The following DLG2 variants were observed in gnomAD, a reference collection of about 807,000 sequenced individuals.
The protein encoded by DLG2 is discs large MAGUK scaffold protein 2, also known as disks large homolog 2.
In DLG2, 45 loss-of-function variants were observed where a neutral mutation model predicts 132.5. The ratio of observed to expected loss-of-function variants is 0.34; its 90% CI spans 0.27 to 0.44. The LOEUF is 0.44. Among genes scored for constraint, DLG2 ranks in the 20% least tolerant of loss-of-function variants. The pLI, the probability that DLG2 is intolerant of heterozygous loss-of-function variation, is 1.00. For synonymous variants in DLG2, 424 were observed against 419.6 expected (o/e 1.01, Z -0.13); for missense variants, 1,045 against 1,196.9 (o/e 0.87, Z 1.87).
intron 6 of DLG2, among the ~76,000 whole-genome samples, chr11:84,795,367 C>A (rs1183948797): frequency 1.3e-5 from 2 of 151,766 alleles, no homozygotes; most frequent in South Asian, 2.1e-4. Context: ...ACTGTGGGTC[C>A]AATCTCTGCT....
At chr11:83,781,055 G>A (rs1170673941) in intron 18 of DLG2, among the ~76,000 whole-genome samples, 1 of 152,100 alleles carries the variant, frequency 6.6e-6, no homozygotes, top group African/African-American at 2.4e-5. Flanking sequence ...TTCTAAGAAG[G>A]CTCTCATTTA....
chr11:84,067,756 C>G (rs572113467), intron 10 of DLG2, among the ~76,000 whole-genome samples: 1 of 152,130 alleles, frequency 6.6e-6, no homozygotes, highest in Admixed American at 6.5e-5. Flanking sequence ...ACTTCTCACC[C>G]TAATGATCTG....
intron 18 of DLG2, among the ~76,000 whole-genome samples, chr11:83,781,548 G>T (rs1160718039): frequency 1.3e-5 from 2 of 152,146 alleles, no homozygotes; most frequent in East Asian, 3.9e-4. Context: ...AAGGGTGGAT[G>T]AAATCAGGTC....
chr11:83,545,934 G>A (rs2096229921), intron 19 of DLG2, among the ~76,000 whole-genome samples: 1 of 152,234 alleles, frequency 6.6e-6, no homozygotes, highest in South Asian at 2.1e-4. Flanking sequence ...CAAGCGATAA[G>A]CTGTTTTTAA....
intron 21 of DLG2, among the ~76,000 whole-genome samples, chr11:83,531,206 C>A (rs2141017937): frequency 6.6e-6 from 1 of 151,880 alleles, no homozygotes; most frequent in Admixed American, 6.6e-5. Flanking sequence ...AGAACACTAT[C>A]AAGAAAATGA....
chr11:85,463,717 G>T (rs1432801455), intron 3 of DLG2, among the ~76,000 whole-genome samples: 1 of 152,118 alleles, frequency 6.6e-6, no homozygotes, highest in Non-Finnish European at 1.5e-5. Flanking sequence ...GCTGCAGGGA[G>T]CTATAATCAT....
chr11:84,368,739 T>C (rs1183655419), intron 7 of DLG2, among the ~76,000 whole-genome samples: 1 of 152,102 alleles, frequency 6.6e-6, no homozygotes, highest in East Asian at 1.9e-4. Context: ...TGAGATCAAA[T>C]GAGATAATGC....
chr11:84,374,553 T>C (rs1305312754), intron 7 of DLG2, among the ~76,000 whole-genome samples: 1 of 152,166 alleles, frequency 6.6e-6, no homozygotes, highest in Non-Finnish European at 1.5e-5. Context: ...ACAATTCTTC[T>C]TCTTCCAGTG....
rs566997126 is a variant in DLG2 at position 83,921,705 on chromosome 11, C to T, written c.1496+8623G>A. 5.9e-5 allele frequency among the ~76,000 whole-genome samples: 9 copies of T among 152,206 alleles called. No individual in the cohort carries two copies. The East Asian group carries it at 1.2e-3, about 20-fold the overall frequency. ...ACAAAGGAATGCTTTTGAAGCTGTG[C>T]TTATTCTCTGTTTTCTTATTGCTAC... On this transcript the variant is annotated intron_variant, in intron 15 of 27. Transcript: ENST00000376104.
intron 18 of DLG2, among the ~76,000 whole-genome samples, chr11:83,716,467 G>A (rs1023618683): frequency 6.6e-6 from 1 of 152,220 alleles, no homozygotes; most frequent in African/African-American, 2.4e-5. Flanking sequence ...TATAGAACTA[G>A]TGATAAAAAT....
intron 6 of DLG2, among the ~76,000 whole-genome samples, chr11:85,094,476 A>G (rs626013): frequency 0.67 from 101,899 of 152,082 alleles, 35,037 homozygotes; most frequent in East Asian, 0.95. Context: ...ACCTTCATCA[A>G]TGATCTTAGC....
chr11:85,046,391 T>C (rs1443763457), intron 6 of DLG2, among the ~76,000 whole-genome samples: 1 of 152,004 alleles, frequency 6.6e-6, no homozygotes, highest in Non-Finnish European at 1.5e-5. Flanking sequence ...ATTATGAGGA[T>C]AGGCTAGAAA....
intron 7 of DLG2, among the ~76,000 whole-genome samples, chr11:84,318,358 C>A (rs1439059163): frequency 6.6e-6 from 1 of 152,232 alleles, no homozygotes; most frequent in African/African-American, 2.4e-5. Context: ...CCTTATCACA[C>A]ATTACTAAGG....
At chr11:85,275,956 T>C (rs2077865983) in intron 4 of DLG2, among the ~76,000 whole-genome samples, 1 of 152,118 alleles carries the variant, frequency 6.6e-6, no homozygotes, top group African/African-American at 2.4e-5. Context: ...CAGTACACTG[T>C]TTTAAGGATC....
intron 17 of DLG2, among the ~76,000 whole-genome samples, chr11:83,795,058 C>A (rs2042446515): frequency 6.6e-6 from 1 of 152,126 alleles, no homozygotes; most frequent in South Asian, 2.1e-4. Context: ...CAAGCTAGAA[C>A]AATTTCATTT....
At chr11:84,596,442 C>T (rs61898990) in intron 6 of DLG2, among the ~76,000 whole-genome samples, 17,859 of 148,718 alleles carry the variant, frequency 0.12, 1,078 homozygotes, top group South Asian at 0.18. Context: ...AGGCTCCTCT[C>T]GAACTTCTGA....
At chr11:84,233,608 C>T (rs1276884738) in intron 8 of DLG2, among the ~76,000 whole-genome samples, 1 of 152,106 alleles carries the variant, frequency 6.6e-6, no homozygotes, top group Non-Finnish European at 1.5e-5. Context: ...AGGGTGGGGC[C>T]TACAAAAAAT....
intron 7 of DLG2, among the ~76,000 whole-genome samples, chr11:84,522,572 G>A (rs2099307340): frequency 6.6e-6 from 1 of 152,194 alleles, no homozygotes; most frequent in Admixed American, 6.5e-5. Context: ...AGCTGGACTG[G>A]AAGAATGTAT....
intron 18 of DLG2, among the ~76,000 whole-genome samples, chr11:83,750,487 ACT>A (rs1393566850): frequency 6.6e-6 from 1 of 152,104 alleles, no homozygotes; most frequent in Admixed American, 6.6e-5. Context: ...TTACCTTTAG[ACT>A]CTACTCTGAG....
Sources: allele counts gnomAD v4.1 joint callset (sites outside exome capture counted in the v4.1 genomes callset), GRCh38; gene constraint gnomAD v4.1.1; transcripts MANE v1.5; gene names NCBI Gene and HGNC (gene_info 2026-07-23, HGNC 2026-07-21).